The following ZDHHC13 variants were observed in gnomAD, a reference collection of about 807,000 sequenced individuals.
The protein encoded by ZDHHC13 is zDHHC palmitoyltransferase 13, also known as palmitoyltransferase ZDHHC13.
Under a neutral mutation model 86.0 loss-of-function variants are expected in ZDHHC13, and 85 were observed. That is an observed-to-expected ratio of 0.99 (90% CI 0.83 to 1.18). ZDHHC13 has a LOEUF of 1.18. Among genes scored for constraint, ZDHHC13 ranks in the 50% most tolerant of loss-of-function variants. ZDHHC13 has a pLI of 0.00. For synonymous variants in ZDHHC13, 263 were observed against 246.4 expected (o/e 1.07, Z -0.63); for missense variants, 711 against 730.2 (o/e 0.97, Z 0.30).
At chr11:19,147,778 C>CA in intron 4 of ZDHHC13, 105 bp downstream of exon 4, 1 of 766,244 alleles carries the variant, frequency 1.3e-6, no homozygotes, top group Non-Finnish European at 1.9e-6. Context: ...TTCTTCCCCC[C>CA]CCCCCTTTAT....
At chr11:19,149,152 A>T in intron 4 of ZDHHC13, 35 bp from the exon 5 acceptor site, 1 of 1,444,300 alleles carries the variant, frequency 6.9e-7, no homozygotes, top group Admixed American at 2.3e-5. Flanking sequence ...CTTTTTCTGC[A>T]TGCTACAGAA....
chr11:19,139,349 A>C (rs991174330), intron 1 of ZDHHC13, among the ~76,000 whole-genome samples: 1 of 151,920 alleles, frequency 6.6e-6, no homozygotes, highest in Non-Finnish European at 1.5e-5. Flanking sequence ...TAGCAATCCA[A>C]CTTACAAGGG....
At chr11:19,127,385 C>T (rs938143387) in intron 1 of ZDHHC13, among the ~76,000 whole-genome samples, 3 of 152,090 alleles carry the variant, frequency 2.0e-5, no homozygotes, top group Non-Finnish European at 2.9e-5. Flanking sequence ...AATATTGTCT[C>T]CCATTTTGTA....
intron 1 of ZDHHC13, among the ~76,000 whole-genome samples, chr11:19,140,275 C>T (rs1295555574): frequency 6.6e-6 from 1 of 152,048 alleles, no homozygotes; most frequent in Non-Finnish European, 1.5e-5. Flanking sequence ...AGACACTTCT[C>T]AAAAGAAGAC....
chr11:19,172,943 C>A, intron 16 of ZDHHC13, 123 bp downstream of exon 16: 2 of 777,996 alleles, frequency 2.6e-6, no homozygotes, highest in Non-Finnish European at 3.9e-6. Context: ...GTACAGTTGA[C>A]CCCCCTTTTC....
intron 10 of ZDHHC13, among the ~76,000 whole-genome samples, chr11:19,161,058 C>T (rs1565038522): frequency 6.6e-6 from 1 of 151,896 alleles, no homozygotes; most frequent in Non-Finnish European, 1.5e-5. Flanking sequence ...GCATACTTCA[C>T]CATCAGAATA....
rs1405199561 is a variant in ZDHHC13, at chr11:19,160,550, C to G, written c.1108+1510C>G. On this transcript the variant is annotated intron_variant, in intron 10 of 16. Transcript: ENST00000446113. Reference sequence around the variant, plus strand: ...TAGCTGATATTTTTGTTTACCAATCCATATGGCAGTGGAATAAAACAGTTT... The same window carrying G: ...TAGCTGATATTTTTGTTTACCAATCGATATGGCAGTGGAATAAAACAGTTT... 2.0e-5 allele frequency among the ~76,000 whole-genome samples: 3 copies of G among 151,876 alleles called. No homozygotes were observed. The East Asian group carries it at 5.8e-4, about 29-fold the overall frequency.
chr11:19,122,694 C>G (rs1848781842), intron 1 of ZDHHC13, among the ~76,000 whole-genome samples: 1 of 151,892 alleles, frequency 6.6e-6, no homozygotes, highest in Non-Finnish European at 1.5e-5. Context: ...TTCCTGCCAG[C>G]AGAGGTGTGC....
At chr11:19,154,230 C>G (rs377326349) in intron 8 of ZDHHC13, among the ~76,000 whole-genome samples, 53 of 152,206 alleles carry the variant, frequency 3.5e-4, no homozygotes, top group African/African-American at 1.2e-3. Context: ...AGAATAGTAC[C>G]TTGCATATAA....
chr11:19,172,898 C>A, intron 16 of ZDHHC13, 78 bp downstream of exon 16: 1 of 1,279,238 alleles, frequency 7.8e-7, no homozygotes, highest in South Asian at 1.5e-5. Flanking sequence ...TGCCACTACC[C>A]ATGGCCATGC....
In ZDHHC13 at chr11:19,144,941, C is replaced by T. The variant is rs575265525; in HGVS notation, c.174-1240C>T. On this transcript the variant is annotated intron_variant, in intron 2 of 16. Transcript: ENST00000446113. ...GACCAGCCTGGCTAACGTGGTGAAACCTATTAAAAATACAAAAATTAGCCT... is the reference window on the plus strand; with the variant it reads ...GACCAGCCTGGCTAACGTGGTGAAATCTATTAAAAATACAAAAATTAGCCT... Among the ~76,000 whole-genome samples, 3 of 151,990 alleles carry T rather than the reference C, an allele frequency of 2.0e-5. No individual in the cohort carries two copies. In the South Asian group the frequency reaches 6.2e-4, roughly 32 times the overall value.
chr11:19,154,009 G>C (rs76767017), intron 8 of ZDHHC13, among the ~76,000 whole-genome samples: 2,564 of 152,162 alleles, frequency 0.017, 59 homozygotes, highest in African/African-American at 0.052. Flanking sequence ...AATGTAAGTC[G>C]GGTCATGTCA....
intron 1 of ZDHHC13, among the ~76,000 whole-genome samples, chr11:19,135,818 C>A (rs1488428670): frequency 6.6e-6 from 1 of 152,232 alleles, no homozygotes; most frequent in Non-Finnish European, 1.5e-5. Flanking sequence ...GGTAGACTGA[C>A]ACCTCACATG....
chr11:19,175,783 A>G (rs774858140), intron 16 of ZDHHC13, 39 bp from the exon 17 acceptor site: 1 of 1,601,646 alleles, frequency 6.2e-7, no homozygotes, highest in Non-Finnish European at 8.5e-7. Context: ...TACACAGGAA[A>G]TATAGTAAGA....
intron 1 of ZDHHC13, among the ~76,000 whole-genome samples, chr11:19,124,531 A>G (rs1424847853): frequency 6.6e-6 from 1 of 152,126 alleles, no homozygotes; most frequent in Non-Finnish European, 1.5e-5. Flanking sequence ...ATATAAAAAT[A>G]CACTGATTTT....
intron 1 of ZDHHC13, among the ~76,000 whole-genome samples, chr11:19,135,370 TA>T (rs2133381872): frequency 6.6e-6 from 1 of 152,292 alleles, no homozygotes; most frequent in Admixed American, 6.5e-5. Context: ...CCGACGGGCT[TA>T]AAAAACGGCG....
At position 19,152,379 on chromosome 11, in the gene ZDHHC13, A is replaced by G. The variant is rs1003349162; in HGVS notation, c.747+59A>G. 3.8e-6 allele frequency: 6 copies of G among 1,563,690 alleles called. No homozygotes were observed. The African/African-American group carries it at 6.8e-5, about 18-fold the overall frequency. ...ATATCTTGAGTTAGAAGATTGATAA[A>G]TTAACGTAAAGATAAGCTATATAAT... is the stretch of plus-strand genomic sequence containing the variant. On this transcript the variant is annotated intron_variant, in intron 7 of 16. Coordinates refer to ENST00000446113, the MANE Select transcript of ZDHHC13 (RefSeq NM_019028.3).
At chr11:19,168,921 G>C (rs1163403680) in intron 14 of ZDHHC13, 1 of 984,838 alleles carries the variant, frequency 1.0e-6, no homozygotes, top group Admixed American at 6.1e-5. Context: ...GAAGAACTCT[G>C]TAACTGTCAG....
chr11:19,163,482 A>G (rs1849970137), intron 11 of ZDHHC13, 55 bp downstream of exon 11: 1 of 1,518,234 alleles, frequency 6.6e-7, no homozygotes, highest in Non-Finnish European at 8.8e-7. Flanking sequence ...AACTTTAGAA[A>G]GTTTATATGC....
Sources: allele counts gnomAD v4.1 joint callset (sites outside exome capture counted in the v4.1 genomes callset), GRCh38; gene constraint gnomAD v4.1.1; transcripts MANE v1.5; gene names NCBI Gene and HGNC (gene_info 2026-07-23, HGNC 2026-07-21).